Variants in TMEM178B observed in about 807,000 individuals in gnomAD.
TMEM178B encodes transmembrane protein 178B.
In TMEM178B, 5 loss-of-function variants were observed where a neutral mutation model predicts 31.0. The ratio of observed to expected loss-of-function variants is 0.16; its 90% CI spans 0.08 to 0.34. TMEM178B has a LOEUF of 0.34. TMEM178B is among the 10% of genes least tolerant of loss of function. The pLI is 1.00. For synonymous variants in TMEM178B, 164 were observed against 164.0 expected (o/e 1.00, Z 0.00); for missense variants, 275 against 400.3 (o/e 0.69, Z 2.67).
intron 1 of TMEM178B, among the ~76,000 whole-genome samples, chr7:141,163,061 T>A (rs1796201856): frequency 6.6e-6 from 1 of 152,244 alleles, no homozygotes; most frequent in South Asian, 2.1e-4. Flanking sequence ...ATGAACATTA[T>A]TTCTCCAGTG....
At chr7:141,508,988 G>A in the TMEM178B span, among the ~76,000 whole-genome samples, 3 of 152,194 alleles carry the variant, frequency 2.0e-5, no homozygotes, top group Non-Finnish European at 2.9e-5. Flanking sequence ...GAGGTATTTT[G>A]CATGTGGTTC....
intron 1 of TMEM178B, among the ~76,000 whole-genome samples, chr7:141,193,205 C>T (rs1396934682): frequency 1.3e-5 from 2 of 152,200 alleles, no homozygotes; most frequent in African/African-American, 4.8e-5. Context: ...ATCCTGAGTT[C>T]CCCTGAGAAG....
At chr7:141,464,821 CCTA>C (rs1237928883) in intron 3 of TMEM178B, among the ~76,000 whole-genome samples, 1 of 152,202 alleles carries the variant, frequency 6.6e-6, no homozygotes, top group Non-Finnish European at 1.5e-5. Flanking sequence ...AGCCACCACT[CCTA>C]CTGTCATGAC....
chr7:141,200,126 C>T (rs1456905411), intron 1 of TMEM178B, among the ~76,000 whole-genome samples: 1 of 152,140 alleles, frequency 6.6e-6, no homozygotes, highest in Non-Finnish European at 1.5e-5. Context: ...AGTGATTCTC[C>T]CGCCTCGGCT....
intron 2 of TMEM178B, among the ~76,000 whole-genome samples, chr7:141,343,654 A>T (rs1799557971): frequency 6.7e-6 from 1 of 148,564 alleles, no homozygotes; most frequent in African/African-American, 2.5e-5. Context: ...GGGTTACACC[A>T]TTCTCTTGCC....
Position 141,361,911 on chromosome 7 carries a change from C to T in TMEM178B, c.497-75697C>T, listed in dbSNP as rs1026864651. On this transcript the variant is annotated intron_variant, in intron 2 of 3. Coordinates refer to ENST00000565468, the MANE Select transcript of TMEM178B (RefSeq NM_001195278.2). ...CCTGTAGGCCTTAGAATTTGCAAAC[C>T]CTACTATAACTGTACTACAGACCAC... 2.6e-5 allele frequency among the ~76,000 whole-genome samples: 4 copies of T among 152,186 alleles called. No homozygotes were observed. The South Asian group carries it at 6.2e-4, about 24-fold the overall frequency.
rs1802418045 is a variant in TMEM178B, at chr7:141,478,736, C to T, written c.*7950C>T. On this transcript the variant is annotated 3_prime_UTR_variant, in exon 4 of 4. Coordinates refer to ENST00000565468, the MANE Select transcript of TMEM178B (RefSeq NM_001195278.2). The stretch of plus-strand genomic sequence containing the variant: ...CCAATGTGATTTTCCTCTTAGAAAA[C>T]ATCTCAGTCTGGCCCAGCCCTATTT... The T allele has an allele frequency of 6.6e-6, 1 of 152,130 alleles. No homozygotes were observed. The highest frequency in any genetic ancestry group is 1.5e-5 in the Non-Finnish European group (1 of 68,030). 9.4% of individuals were successfully genotyped at this position (152,130 alleles called of 1,614,324 possible).
intron 1 of TMEM178B, among the ~76,000 whole-genome samples, chr7:141,078,757 T>G (rs1351785776): frequency 6.6e-6 from 1 of 151,978 alleles, no homozygotes; most frequent in Non-Finnish European, 1.5e-5. Flanking sequence ...TGGAGGTGGA[T>G]GTGGAGGAAG....
chr7:141,232,579 C>T (rs1208385109), intron 2 of TMEM178B, among the ~76,000 whole-genome samples: 1 of 152,160 alleles, frequency 6.6e-6, no homozygotes, highest in African/African-American at 2.4e-5. Flanking sequence ...CAAACTAAAT[C>T]CAGCAGCACA....
intron 2 of TMEM178B, among the ~76,000 whole-genome samples, chr7:141,305,038 C>T (rs1483492843): frequency 6.6e-6 from 1 of 152,226 alleles, no homozygotes; most frequent in East Asian, 1.9e-4. Context: ...TTCCACTCCA[C>T]ACTGTCCTAT....
At chr7:141,127,806 G>C (rs145485311) in intron 1 of TMEM178B, among the ~76,000 whole-genome samples, 1 of 152,286 alleles carries the variant, frequency 6.6e-6, no homozygotes, top group Non-Finnish European at 1.5e-5. Flanking sequence ...TCCCTGAGAA[G>C]TCTTTGCTTC....
intron 3 of TMEM178B, among the ~76,000 whole-genome samples, chr7:141,444,833 T>A (rs1801723845): frequency 6.6e-6 from 1 of 151,998 alleles, no homozygotes; most frequent in Admixed American, 6.6e-5. Flanking sequence ...CAACCCCGTG[T>A]TGAAGAAGCA....
chr7:141,215,814 CTTTCTTTCTTTCTTTCTTTCTTTCT>C (rs1161181630), intron 2 of TMEM178B, among the ~76,000 whole-genome samples: 3 of 88,530 alleles, frequency 3.4e-5, no homozygotes, highest in Admixed American at 3.3e-4. Context: ...TTCTTTCTTT[CTTTCTTTCTTTCTTTCTTTCTTTCT>C]TTTCTTTTCT....
At chr7:141,416,907 T>C (rs1801109169) in intron 2 of TMEM178B, among the ~76,000 whole-genome samples, 1 of 152,208 alleles carries the variant, frequency 6.6e-6, no homozygotes, top group African/African-American at 2.4e-5. Flanking sequence ...TGACTACACG[T>C]GAAGCATGAA....
chr7:141,130,484 C>G (rs1359076798), intron 1 of TMEM178B, among the ~76,000 whole-genome samples: 1 of 152,020 alleles, frequency 6.6e-6, no homozygotes, highest in Non-Finnish European at 1.5e-5. Flanking sequence ...GAGAGTCATC[C>G]AAGTGGTTAA....
chr7:141,255,040 T>C (rs904525961), intron 2 of TMEM178B, among the ~76,000 whole-genome samples: 10 of 152,200 alleles, frequency 6.6e-5, no homozygotes, highest in Admixed American at 5.9e-4. Flanking sequence ...CATTGTCTCT[T>C]GAAACACAAC....
intron 1 of TMEM178B, among the ~76,000 whole-genome samples, chr7:141,164,812 C>A (rs114178861): frequency 1.3e-3 from 205 of 152,122 alleles, no homozygotes; most frequent in East Asian, 6.8e-3. Flanking sequence ...GGATCTAGGC[C>A]TCCATCTTTC....
intron 2 of TMEM178B, among the ~76,000 whole-genome samples, chr7:141,393,542 A>G (rs1186117971): frequency 1.3e-5 from 2 of 152,210 alleles, no homozygotes; most frequent in Non-Finnish European, 2.9e-5. Context: ...TATCTTCTGG[A>G]CACCATGAGA....
intron 1 of TMEM178B, among the ~76,000 whole-genome samples, chr7:141,122,039 G>A (rs1795416294): frequency 6.6e-6 from 1 of 152,086 alleles, no homozygotes; most frequent in African/African-American, 2.4e-5. Context: ...GTGAGGGTAG[G>A]AGAAAAACAA....
Sources: gnomAD v4.1 joint callset for allele counts (sites outside exome capture counted in the v4.1 genomes callset) on GRCh38, gnomAD v4.1.1 for gene constraint, MANE v1.5 for transcripts, NCBI Gene and HGNC (gene_info 2026-07-23, HGNC 2026-07-21) for gene names.